Variants in PAH observed in about 807,000 individuals in gnomAD.
PAH encodes phenylalanine hydroxylase.
PAH carries 64 observed loss-of-function variants against 62.0 expected under a neutral mutation model. The ratio of observed to expected loss-of-function variants is 1.03; its 90% CI spans 0.84 to 1.27. The LOEUF (loss-of-function observed/expected upper bound fraction) is 1.27, where lower values mean the gene tolerates loss of function less well. Ranked by LOEUF, PAH falls within the 50% of genes most tolerant of loss-of-function variation. The pLI is 0.00. For missense variants in PAH, 579 were observed against 542.8 expected, an observed-to-expected ratio of 1.07 and a Z score of -0.66; for synonymous variants, 195 against 196.2, an observed-to-expected ratio of 0.99 and a Z score of 0.05.
intron 1 of PAH, among the ~76,000 whole-genome samples, chr12:102,938,303 C>T (rs564912959): frequency 6.6e-6 from 1 of 152,262 alleles, no homozygotes; most frequent in African/African-American, 2.4e-5. Context: ...TGTGACCCTC[C>T]CCACAACGCC....
At chr12:102,869,166 T>A (rs934558156) in intron 4 of PAH, among the ~76,000 whole-genome samples, 1 of 152,234 alleles carries the variant, frequency 6.6e-6, no homozygotes, top group Non-Finnish European at 1.5e-5. Context: ...AGGAATGAGA[T>A]ATCCATGAAC....
At chr12:102,881,844 A>G (rs1876825195) in intron 3 of PAH, among the ~76,000 whole-genome samples, 1 of 151,852 alleles carries the variant, frequency 6.6e-6, no homozygotes, top group Non-Finnish European at 1.5e-5. Context: ...AGGGTATCGC[A>G]TTTTCTTCAT....
chr12:102,846,717 C>T (rs1874860039), intron 9 of PAH, among the ~76,000 whole-genome samples, 178 bp downstream of exon 9: 1 of 152,196 alleles, frequency 6.6e-6, no homozygotes, highest in African/African-American at 2.4e-5. Context: ...ATTTCAAAAT[C>T]AAATTATTAA....
At chr12:102,910,372 C>CTTT (rs766959541) in intron 2 of PAH, among the ~76,000 whole-genome samples, 1 of 141,446 alleles carries the variant, frequency 7.1e-6, no homozygotes, top group Non-Finnish European at 1.6e-5. Context: ...CTTGAAATTC[C>CTTT]TTTTTTTTTT....
chr12:102,940,323 G>T (rs993373459), intron 1 of PAH, among the ~76,000 whole-genome samples: 1 of 152,170 alleles, frequency 6.6e-6, no homozygotes, highest in Non-Finnish European at 1.5e-5. Context: ...TTCTTAAGGA[G>T]AATGAAATGA....
chr12:102,841,473 C>T (rs1449741269), intron 11 of PAH, among the ~76,000 whole-genome samples: 2 of 152,032 alleles, frequency 1.3e-5, no homozygotes, highest in Non-Finnish European at 2.9e-5. Context: ...CTATTATGGC[C>T]CTTGTGACCA....
intron 2 of PAH, among the ~76,000 whole-genome samples, chr12:102,907,955 G>C (rs919932010): frequency 1.3e-5 from 2 of 151,958 alleles, no homozygotes; most frequent in Non-Finnish European, 2.9e-5. Flanking sequence ...CATTTTGCCA[G>C]GCTGTTACTA....
upstream of PAH, chr12:102,953,408 T>C (rs1372465789): frequency 6.6e-6 from 1 of 152,208 alleles, no homozygotes; most frequent in Non-Finnish European, 1.5e-5. Context: ...AGATGAGTCA[T>C]ATCTTCTTTT....
At chr12:102,925,709 C>T (rs1435933508) in intron 1 of PAH, among the ~76,000 whole-genome samples, 1 of 152,056 alleles carries the variant, frequency 6.6e-6, no homozygotes, top group East Asian at 1.9e-4. Context: ...TCACAGACAA[C>T]CCAGAAATCT....
At chr12:102,863,974 C>T (rs1227040313) in intron 5 of PAH, among the ~76,000 whole-genome samples, 2 of 152,152 alleles carry the variant, frequency 1.3e-5, no homozygotes. Context: ...CTCCAATTCA[C>T]CATTTTGAAT....
chr12:102,863,289 T>C (rs553098935), intron 5 of PAH, among the ~76,000 whole-genome samples: 1 of 152,186 alleles, frequency 6.6e-6, no homozygotes, highest in African/African-American at 2.4e-5. Flanking sequence ...GCATCTGTTA[T>C]TCCTGCAACA....
At chr12:102,913,625 C>T (rs2136729242) in intron 1 of PAH, among the ~76,000 whole-genome samples, 1 of 152,134 alleles carries the variant, frequency 6.6e-6, no homozygotes, top group South Asian at 2.1e-4. Flanking sequence ...CAAAAATGAC[C>T]TCTTGACCTT....
rs1379613102 is a variant in PAH, at chr12:102,897,492, T to TATATATATATATATAA, written c.169-2575_169-2574insTTATATATATATATAT. ...ATATATATATATATATATATATATA[T>TATATATATATATATAA]AATTCAAACTGACATTTATTCTTGG... On this transcript the variant is annotated intron_variant, in intron 2 of 12. Coordinates refer to ENST00000553106, the MANE Select transcript of PAH (RefSeq NM_000277.3). 5.0e-3 allele frequency among the ~76,000 whole-genome samples: 684 copies of TATATATATATATATAA among 137,034 alleles called. 7 individuals carry two copies. The highest frequency in any genetic ancestry group is 0.021 in the African/African-American group (652 of 30,926). The allele number at this position is 137,034 out of a possible 152,430, so 89.9% of individuals were successfully genotyped here.
In PAH at chr12:102,922,607, T is replaced by A. The variant is rs180910011; in HGVS notation, c.-95-5382A>T. Among the ~76,000 whole-genome samples, 17 of 152,368 alleles carry A rather than the reference T, an allele frequency of 1.1e-4. No individual in the cohort carries two copies. The East Asian group carries it at 2.9e-3, about 26-fold the overall frequency. On this transcript the variant is annotated intron_variant, in intron 1 of 3. Coordinates refer to the PAH transcript ENST00000546844. ...TGGCTCCATTGTATTTTTATGTGGA[T>A]TATCGTAATTTATTTCATCAGTACT...
intron 1 of PAH, among the ~76,000 whole-genome samples, chr12:102,922,892 T>TATA (rs1243576463): frequency 2.0e-5 from 3 of 152,198 alleles, no homozygotes; most frequent in African/African-American, 7.2e-5. Context: ...AGGTACTAGT[T>TATA]ATAATTACAC....
At chr12:102,873,135 T>TG (rs1000411166) in intron 4 of PAH, among the ~76,000 whole-genome samples, 11 of 152,186 alleles carry the variant, frequency 7.2e-5, no homozygotes, top group African/African-American at 2.7e-4. Flanking sequence ...GCTCTGGAGT[T>TG]GGGGGTCTAT....
intron 3 of PAH, among the ~76,000 whole-genome samples, chr12:102,878,648 G>A (rs1449043952): frequency 5.3e-5 from 8 of 151,340 alleles, no homozygotes. Flanking sequence ...GGGAAGAGAG[G>A]GAGGGAAGAA....
chr12:102,851,825 A>G, intron 7 of PAH, 69 bp from the exon 8 acceptor site: 1 of 1,165,858 alleles, frequency 8.6e-7, no homozygotes, highest in Non-Finnish European at 1.3e-6. Flanking sequence ...CAGTCTTTCT[A>G]CATGAGGAAT....
chr12:102,848,725 A>T (rs12579415), intron 8 of PAH, among the ~76,000 whole-genome samples: 3 of 114,662 alleles, frequency 2.6e-5, no homozygotes, highest in African/African-American at 1.2e-4. Context: ...AGTAGACAGG[A>T]CACCAGGAGA....
Sources: gnomAD v4.1 joint callset for allele counts (sites outside exome capture counted in the v4.1 genomes callset) on GRCh38, gnomAD v4.1.1 for gene constraint, MANE v1.5 for transcripts, NCBI Gene and HGNC (gene_info 2026-07-23, HGNC 2026-07-21) for gene names.